Variants in SPON1 observed in about 807,000 individuals in gnomAD.
The protein encoded by SPON1 is spondin-1.
Under a neutral mutation model 111.7 loss-of-function variants are expected in SPON1, and 52 were observed. The ratio of observed to expected loss-of-function variants is 0.47; its 90% CI spans 0.37 to 0.59. The LOEUF is 0.59. Among genes scored for constraint, SPON1 ranks in the 20% least tolerant of loss-of-function variants. SPON1 has a pLI of 0.00. For missense variants in SPON1, 957 were observed against 1,068.5 expected (o/e 0.90, Z 1.46); for synonymous variants, 410 against 395.8 (o/e 1.04, Z -0.43).
At chr11:14,084,583 G>T (rs1206053736) in intron 5 of SPON1, among the ~76,000 whole-genome samples, 1 of 152,088 alleles carries the variant, frequency 6.6e-6, no homozygotes, top group Non-Finnish European at 1.5e-5. Flanking sequence ...AGTCTTTGCT[G>T]TTGTAAACAG....
At chr11:14,085,961 G>T (rs1489494784) in intron 5 of SPON1, among the ~76,000 whole-genome samples, 1 of 152,066 alleles carries the variant, frequency 6.6e-6, no homozygotes, top group Non-Finnish European at 1.5e-5. Context: ...CCTATTATTG[G>T]TGTATAGGAA....
chr11:14,100,042 G>A (rs782553078), intron 5 of SPON1, among the ~76,000 whole-genome samples: 8 of 152,094 alleles, frequency 5.3e-5, no homozygotes, highest in Non-Finnish European at 1.0e-4. Context: ...CTCCAATACT[G>A]GGGGTTACAT....
At chr11:14,244,322 A>T (rs750968174) in intron 7 of SPON1, among the ~76,000 whole-genome samples, 3 of 152,186 alleles carry the variant, frequency 2.0e-5, no homozygotes, top group African/African-American at 4.8e-5. Context: ...GATCGAGACC[A>T]TGCTGGCCAA....
chr11:14,231,327 GT>G (rs1395967180), intron 6 of SPON1, among the ~76,000 whole-genome samples: 4 of 151,606 alleles, frequency 2.6e-5, no homozygotes, highest in African/African-American at 7.3e-5. Context: ...TAGAGACAGG[GT>G]TTTACCGTGT....
intron 5 of SPON1, among the ~76,000 whole-genome samples, chr11:14,086,363 T>G (rs1849006636): frequency 6.6e-6 from 1 of 152,216 alleles, no homozygotes; most frequent in Admixed American, 6.5e-5. Flanking sequence ...GAAGCAGTGT[T>G]GAATTTTACT....
chr11:14,240,152 A>G (rs1402467987), intron 6 of SPON1, among the ~76,000 whole-genome samples: 6 of 152,206 alleles, frequency 3.9e-5, no homozygotes, highest in Non-Finnish European at 7.3e-5. Context: ...CTCTGCATAC[A>G]TCAAAGAGAA....
chr11:14,197,771 C>T (rs1281855835), intron 6 of SPON1, among the ~76,000 whole-genome samples: 3 of 152,038 alleles, frequency 2.0e-5, no homozygotes, highest in Non-Finnish European at 4.4e-5. Context: ...GCTGAGATCA[C>T]ACCACTGCAC....
At chr11:14,042,887 G>A (rs959799118) in intron 3 of SPON1, among the ~76,000 whole-genome samples, 19 of 152,178 alleles carry the variant, frequency 1.2e-4, no homozygotes, top group African/African-American at 4.3e-4. Flanking sequence ...ACCCGTCATT[G>A]TCTGGCCTCC....
At chr11:14,060,258 G>A (rs781950959) in intron 3 of SPON1, among the ~76,000 whole-genome samples, 125 of 152,240 alleles carry the variant, frequency 8.2e-4, no homozygotes, top group Non-Finnish European at 1.4e-3. Flanking sequence ...GATTTGCTAG[G>A]CTTTTGTACA....
intron 6 of SPON1, among the ~76,000 whole-genome samples, chr11:14,187,658 G>A (rs12807586): frequency 0.41 from 62,462 of 151,808 alleles, 13,010 homozygotes; most frequent in East Asian, 0.55. Context: ...TCTGTTGCCC[G>A]GGCTGGAGTG....
intron 1 of SPON1, among the ~76,000 whole-genome samples, chr11:13,965,516 A>C (rs1002749218): frequency 5.3e-5 from 8 of 152,190 alleles, no homozygotes; most frequent in Non-Finnish European, 8.8e-5. Flanking sequence ...GGGAACTGGG[A>C]CTGGATAGGG....
intron 1 of SPON1, among the ~76,000 whole-genome samples, chr11:13,968,828 A>C (rs1340704918): frequency 2.0e-5 from 3 of 152,202 alleles, no homozygotes; most frequent in East Asian, 3.8e-4. Flanking sequence ...GCAAAAATTC[A>C]GTCATGTGGT....
chr11:14,253,430 G>C (rs1374528817), intron 7 of SPON1, among the ~76,000 whole-genome samples: 2 of 152,356 alleles, frequency 1.3e-5, no homozygotes, highest in East Asian at 3.9e-4. Flanking sequence ...TGGACACTGA[G>C]ACGCAGAAAG....
chr11:14,230,650 C>A (rs1201315572), intron 6 of SPON1, among the ~76,000 whole-genome samples: 2 of 152,212 alleles, frequency 1.3e-5, no homozygotes, highest in Admixed American at 1.3e-4. Context: ...GCAGGGTCAG[C>A]CTCACACAGT....
chr11:13,987,740 G>A (rs1303956406), intron 2 of SPON1, among the ~76,000 whole-genome samples: 1 of 152,182 alleles, frequency 6.6e-6, no homozygotes, highest in African/African-American at 2.4e-5. Context: ...AAGGTGTAAG[G>A]AAGAGGTCCA....
At chr11:14,204,710 G>GT (rs67654280) in intron 6 of SPON1, among the ~76,000 whole-genome samples, 7,558 of 149,988 alleles carry the variant, frequency 0.05, 591 homozygotes, top group African/African-American at 0.17. Flanking sequence ...TTTGTTTTTG[G>GT]TTTTTTTTTT....
intron 6 of SPON1, among the ~76,000 whole-genome samples, chr11:14,180,343 T>C (rs1848223980): frequency 6.6e-6 from 1 of 152,206 alleles, no homozygotes; most frequent in African/African-American, 2.4e-5. Context: ...TCATCATGCC[T>C]CCGTATTTCC....
At chr11:14,105,636 A>C (rs1463824591) in intron 5 of SPON1, among the ~76,000 whole-genome samples, 2 of 152,154 alleles carry the variant, frequency 1.3e-5, no homozygotes, top group African/African-American at 4.8e-5. Context: ...GTGCCTGACA[A>C]ACATTTTCAA....
intron 1 of SPON1, among the ~76,000 whole-genome samples, chr11:13,963,372 G>C (rs529681005): frequency 6.6e-6 from 1 of 152,186 alleles, no homozygotes; most frequent in South Asian, 2.1e-4. Flanking sequence ...GAGGCACCCC[G>C]CGTTTCCGAC....
Sources: gnomAD v4.1 joint callset for allele counts (sites outside exome capture counted in the v4.1 genomes callset) on GRCh38, gnomAD v4.1.1 for gene constraint, MANE v1.5 for transcripts, NCBI Gene and HGNC (gene_info 2026-07-23, HGNC 2026-07-21) for gene names.